Variants in SRGAP3 observed in about 807,000 individuals in gnomAD.
SRGAP3 encodes the protein SLIT-ROBO Rho GTPase-activating protein 3.
SRGAP3 carries 39 observed loss-of-function variants against 121.1 expected under a neutral mutation model. That is an observed-to-expected ratio of 0.32 (90% confidence interval 0.25 to 0.42). The LOEUF (loss-of-function observed/expected upper bound fraction) is 0.42. Among genes scored for constraint, SRGAP3 ranks in the 10% least tolerant of loss-of-function variants. The pLI is 1.00. For missense variants in SRGAP3, 1,213 were observed against 1,470.6 expected (o/e 0.82, Z 2.86); for synonymous variants, 601 against 570.0 (o/e 1.05, Z -0.77).
intron 4 of SRGAP3, among the ~76,000 whole-genome samples, chr3:9,078,457 C>T (rs1450606700): frequency 6.6e-6 from 1 of 152,086 alleles, no homozygotes; most frequent in Non-Finnish European, 1.5e-5. Context: ...CACCACCCTT[C>T]CCCCCACCGT....
chr3:9,296,635 T>C (rs1954958660), intron 3 of SRGAP3, among the ~76,000 whole-genome samples: 1 of 152,238 alleles, frequency 6.6e-6, no homozygotes, highest in South Asian at 2.1e-4. Context: ...ATGCTCAGCT[T>C]GGCTCTGCCA....
intron 2 of SRGAP3, among the ~76,000 whole-genome samples, chr3:9,327,084 T>G (rs1470147303): frequency 2.0e-5 from 3 of 151,890 alleles, no homozygotes; most frequent in African/African-American, 7.2e-5. Flanking sequence ...ATTTTATGTT[T>G]CCATTAGTGT....
intron 1 of SRGAP3, among the ~76,000 whole-genome samples, chr3:9,227,918 T>C (rs1373549623): frequency 6.6e-6 from 1 of 152,126 alleles, no homozygotes; most frequent in Non-Finnish European, 1.5e-5. Flanking sequence ...CTGGAAGTAA[T>C]GACAGGGAGT....
In SRGAP3 at chr3:9,357,886, C is replaced by A. The variant is rs1450801989; in HGVS notation, n.214+4954G>T. Among the ~76,000 whole-genome samples the A allele has an allele frequency of 7.9e-5, 11 of 138,974 alleles. No individual in the cohort carries two copies. The South Asian group carries it at 2.2e-3, about 28-fold the overall frequency. 91.2% of individuals were successfully genotyped at this position (138,974 alleles called of 152,430 possible). ...CCCCATTTGAAATTTTTTTTTTTTTCTTTTTTGAGATGGAGTCTCACTCTG... is the reference window on the plus strand; with the variant it reads ...CCCCATTTGAAATTTTTTTTTTTTTATTTTTTGAGATGGAGTCTCACTCTG... On this transcript the variant is annotated intron_variant and non_coding_transcript_variant, in intron 1 of 3. Transcript: ENST00000490889.
At chr3:9,220,981 G>A (rs931872888) in intron 1 of SRGAP3, among the ~76,000 whole-genome samples, 11 of 152,128 alleles carry the variant, frequency 7.2e-5, no homozygotes, top group African/African-American at 9.7e-5. Flanking sequence ...GTCCCACCCC[G>A]CTGGTGACAG....
chr3:9,009,577 G>A (rs1177814460), intron 18 of SRGAP3, among the ~76,000 whole-genome samples: 1 of 152,080 alleles, frequency 6.6e-6, no homozygotes, highest in African/African-American at 2.4e-5. Context: ...AGTACCATGG[G>A]CCCTTGGCAC....
chr3:9,291,095 A>G (rs1194544685), intron 3 of SRGAP3, among the ~76,000 whole-genome samples: 3 of 152,302 alleles, frequency 2.0e-5, no homozygotes, highest in African/African-American at 4.8e-5. Flanking sequence ...GAGGAAAAGG[A>G]GTGCAATAAA....
intron 12 of SRGAP3, among the ~76,000 whole-genome samples, chr3:9,028,733 C>T (rs772278012): frequency 2.0e-5 from 3 of 152,122 alleles, no homozygotes; most frequent in Non-Finnish European, 2.9e-5. Context: ...GTTTCCCTGC[C>T]GTACACCCTA....
Position 9,013,386 on chromosome 3 carries a change from T to G in SRGAP3, c.2069A>C (p.His690Pro), listed in dbSNP as rs770913936. 4 of 1,614,122 alleles carry G rather than the reference T, an allele frequency of 2.5e-6. No individual in the cohort carries two copies. In the South Asian group the frequency reaches 4.4e-5, roughly 18 times the overall value. Reference sequence around the variant, plus strand: ...CCGGGGGCTGGGGAAGATGGCTTCATGATGGATGATGATGGTTTTGATGAC... The same window carrying G: ...CCGGGGGCTGGGGAAGATGGCTTCAGGATGGATGATGATGGTTTTGATGAC... ...NEVIKTIIIH[H>P]EAIFPSPREL... Residue 690 changes from histidine (H) to proline (P), a missense_variant, in exon 17 of 22, where the codon CAT becomes CCT. His to Pro is a moderately conservative substitution (Grantham distance 77, BLOSUM62 -2). Transcript: ENST00000383836.
chr3:9,227,947 A>C (rs1296317220), intron 1 of SRGAP3, among the ~76,000 whole-genome samples: 1 of 152,212 alleles, frequency 6.6e-6, no homozygotes, highest in Non-Finnish European at 1.5e-5. Context: ...TGAAGTTTGA[A>C]AGGATGATGG....
chr3:9,267,046 C>T (rs1401172836), intron 3 of SRGAP3, among the ~76,000 whole-genome samples: 2 of 152,122 alleles, frequency 1.3e-5, no homozygotes, highest in South Asian at 2.1e-4. Flanking sequence ...AACGCAGCAT[C>T]GGGCTGAATA....
intron 1 of SRGAP3, among the ~76,000 whole-genome samples, chr3:9,231,077 C>A (rs542860909): frequency 6.6e-6 from 1 of 152,228 alleles, no homozygotes; most frequent in African/African-American, 2.4e-5. Context: ...TCAGATAATC[C>A]TTCCAGCTTT....
At chr3:9,033,901 C>G (rs1944620123) in intron 11 of SRGAP3, 1 of 152,238 alleles carries the variant, frequency 6.6e-6, no homozygotes, top group Non-Finnish European at 1.5e-5. Flanking sequence ...GCTTTTCCTA[C>G]CAGGCCACCA....
At chr3:9,157,997 C>T (rs1950476936) in intron 1 of SRGAP3, among the ~76,000 whole-genome samples, 2 of 152,182 alleles carry the variant, frequency 1.3e-5, no homozygotes, top group Non-Finnish European at 2.9e-5. Flanking sequence ...TTTGTAGTCT[C>T]TGAAAGTCCA....
chr3:8,990,660 C>G lies in SRGAP3; in HGVS notation c.2738G>C (p.Arg913Thr). 1 of 1,613,716 alleles carries G rather than the reference C, an allele frequency of 6.2e-7. No individual in the cohort carries two copies. The highest frequency in any genetic ancestry group is 1.1e-5 in the South Asian group (1 of 91,050). The stretch of plus-strand genomic sequence containing the variant: ...GCCAGCGCTCCCGAACGTCGCCATC[C>G]TCCGCTTCTCAGGGCTCTCGATCCT... ...RGRIESPEKR[R>T]MATFGSAGSI... The change falls in exon 21 of 22, where the codon AGG becomes ACG. Residue 913 changes from arginine to threonine, a missense_variant. Around this residue, in one of 2 missense-constraint regions of SRGAP3, gnomAD observed 420 missense variants for 437.7 expected, o/e 0.96. Transcript: ENST00000383836.
At chr3:9,201,568 T>C (rs762618817) in intron 1 of SRGAP3, among the ~76,000 whole-genome samples, 12 of 152,182 alleles carry the variant, frequency 7.9e-5, no homozygotes, top group Admixed American at 2.0e-4. Flanking sequence ...AAAAGACCAG[T>C]CCACTTGCCT....
intron 14 of SRGAP3, among the ~76,000 whole-genome samples, chr3:9,021,106 G>A (rs576755261): frequency 3.3e-5 from 5 of 152,302 alleles, no homozygotes; most frequent in African/African-American, 4.8e-5. Flanking sequence ...TGACAACCCC[G>A]CCCAGCATCT....
intron 1 of SRGAP3, among the ~76,000 whole-genome samples, chr3:9,248,215 G>A (rs551329714): frequency 6.6e-6 from 1 of 152,346 alleles, no homozygotes; most frequent in East Asian, 1.9e-4. Context: ...TAAACGCCAG[G>A]GCACAGAGTG....
chr3:9,035,654 G>A (rs1944710925), intron 11 of SRGAP3: 1 of 175,160 alleles, frequency 5.7e-6, no homozygotes, highest in African/African-American at 2.4e-5. Context: ...CAGGAACAGA[G>A]AAAGCCACAG....
Sources: gnomAD v4.1 joint callset for allele counts (sites outside exome capture counted in the v4.1 genomes callset) on GRCh38, gnomAD v4.1.1 for gene constraint, gnomAD v4.1.1 regional missense constraint, MANE v1.5 for transcripts, NCBI Gene and HGNC (gene_info 2026-07-23, HGNC 2026-07-21) for gene names.